The following DNAI4 variants were observed in gnomAD, a reference collection of about 807,000 sequenced individuals.
DNAI4 encodes WD repeat domain 78.
A neutral mutation model predicts 105.8 loss-of-function variants in DNAI4; 85 were observed. That is an observed-to-expected ratio of 0.80 (90% CI 0.67 to 0.96). The LOEUF (loss-of-function observed/expected upper bound fraction) is 0.96, where lower values mean the gene tolerates loss of function less well. Among genes scored for constraint, DNAI4 ranks in the 40% least tolerant of loss-of-function variants. The pLI, the probability that DNAI4 is intolerant of heterozygous loss-of-function variation, is 0.00. For synonymous variants in DNAI4, 352 were observed against 331.5 expected, an observed-to-expected ratio of 1.06 and a Z score of -0.67; for missense variants, 1,014 against 1,005.6, an observed-to-expected ratio of 1.01 and a Z score of -0.11.
chr1:66,873,955 G>C (rs1302746912), intron 5 of DNAI4, among the ~76,000 whole-genome samples: 1 of 138,088 alleles, frequency 7.2e-6, no homozygotes, highest in African/African-American at 2.7e-5. Context: ...ATGTTTTATA[G>C]TCCAAACCAT....
chr1:66,878,973 G>T (rs1322692731), intron 4 of DNAI4, among the ~76,000 whole-genome samples: 5 of 152,074 alleles, frequency 3.3e-5, no homozygotes, highest in African/African-American at 1.2e-4. Context: ...AAGGCAGTTT[G>T]ATTCTTTTGT....
chr1:66,893,121 GAAA>G, intron 3 of DNAI4, 105 bp downstream of exon 3: 1 of 527,666 alleles, frequency 1.9e-6, no homozygotes. Flanking sequence ...AAGAAAGAAA[GAAA>G]CTGGGAGACT....
rs1491310966 is a variant in DNAI4 at position 66,836,269 on chromosome 1, A to AG, written c.1582-493_1582-492insC. On this transcript the variant is annotated intron_variant, in intron 10 of 16. Transcript: ENST00000371026. ...AAGAGAGAGAGAGAAAGAAAGAAAG[A>AG]AAGAAAGAAAGAAAGAAAGAAAGAA... Among the ~76,000 whole-genome samples the AG allele has an allele frequency of 2.1e-3, 150 of 71,550 alleles. 1 individual carries two copies. Among genetic ancestry groups the AG allele is most frequent in the Admixed American group, 2.8e-3 (19 of 6,674 alleles). 46.9% of individuals were successfully genotyped at this position (71,550 alleles called of 152,430 possible).
chr1:66,847,446 C>G, intron 8 of DNAI4, 38 bp downstream of exon 8: 1 of 1,581,210 alleles, frequency 6.3e-7, no homozygotes, highest in Non-Finnish European at 8.6e-7. Flanking sequence ...GCATAAGCAA[C>G]TGCACCCAGC....
intron 10 of DNAI4, among the ~76,000 whole-genome samples, chr1:66,836,286 A>AG (rs1646016235): frequency 6.7e-6 from 1 of 149,486 alleles, no homozygotes; most frequent in Non-Finnish European, 1.5e-5. Flanking sequence ...GAAAGAAAGA[A>AG]AGAAAGAAAG....
chr1:66,893,373 A>G lies in DNAI4; in HGVS notation c.386T>C (p.Leu129Pro). 1 of 1,597,232 alleles carries G rather than the reference A, an allele frequency of 6.3e-7. No homozygotes were observed. Among genetic ancestry groups the G allele is most frequent in the Non-Finnish European group, 8.5e-7 (1 of 1,171,954 alleles). ...INGTDVTPRP[L>P]YHPDPLTGTA... The stretch of plus-strand genomic sequence containing the variant: ...ACCAGTAAGTGGATCTGGATGGTAA[A>G]GAGGTCGGGGAGTAACATCAGTTCC... The change falls in exon 3 of 17, where the codon CTT (leucine) becomes CCT (proline). Residue 129 changes from leucine to proline, a missense_variant. Transcript: ENST00000371026.
intron 4 of DNAI4, among the ~76,000 whole-genome samples, chr1:66,878,349 G>C (rs1338813656): frequency 6.6e-6 from 1 of 152,052 alleles, no homozygotes; most frequent in Non-Finnish European, 1.5e-5. Context: ...GTTTATTGTA[G>C]AGTTTTGTTC....
chr1:66,827,045 C>A lies in DNAI4; in HGVS notation c.2114G>T (p.Gly705Val). ...ATTCCATGTCACTTTATACACTGGA[C>A]CCTAGAAATAAAAAAAAAATACATA... ...QYLDTYRGHK[G>V]PVYKVTWNPF... is the part of the protein sequence containing the mutation. Residue 705 changes from glycine to valine, a missense_variant and splice_region_variant, in exon 15 of 17, where the codon GGT (glycine) becomes GTT (valine). Transcript: ENST00000371026. The A allele has an allele frequency of 6.3e-7, 1 of 1,595,354 alleles. No homozygotes were observed. The highest frequency in any genetic ancestry group is 8.5e-7 in the Non-Finnish European group (1 of 1,173,928).
chr1:66,858,080 G>C (rs576118168), intron 7 of DNAI4, among the ~76,000 whole-genome samples: 38 of 151,914 alleles, frequency 2.5e-4, no homozygotes, highest in African/African-American at 8.2e-4. Flanking sequence ...AAATACTAAA[G>C]GTAAAAATAT....
At chr1:66,825,215 C>T (rs2100356302) in intron 15 of DNAI4, among the ~76,000 whole-genome samples, 1 of 143,900 alleles carries the variant, frequency 6.9e-6, no homozygotes, top group Non-Finnish European at 1.5e-5. Flanking sequence ...CTCTGTCGCC[C>T]AGGCGGGACT....
chr1:66,829,269 CA>C (rs1350555862), intron 13 of DNAI4, among the ~76,000 whole-genome samples: 2 of 152,086 alleles, frequency 1.3e-5, no homozygotes, highest in Non-Finnish European at 2.9e-5. Context: ...AATTAAAAGG[CA>C]GTGATTTTAA....
intron 6 of DNAI4, 46 bp from the exon 7 acceptor site, chr1:66,862,348 C>A: frequency 6.4e-7 from 1 of 1,571,992 alleles, no homozygotes; most frequent in Non-Finnish European, 8.6e-7. Context: ...AACCAAATTC[C>A]AACATTTTAG....
intron 1 of DNAI4, among the ~76,000 whole-genome samples, chr1:66,923,772 G>C (rs1650788939): frequency 6.6e-6 from 1 of 152,154 alleles, no homozygotes; most frequent in African/African-American, 2.4e-5. Flanking sequence ...AGGTGGAGGA[G>C]ATTGGAGAGG....
At chr1:66,894,137 GT>G (rs1293350286) in intron 2 of DNAI4, among the ~76,000 whole-genome samples, 5 of 151,984 alleles carry the variant, frequency 3.3e-5, no homozygotes, top group Non-Finnish European at 7.4e-5. Flanking sequence ...TAAAAAAATA[GT>G]TAACTGTAAA....
At chr1:66,873,791 C>A (rs1297500502) in intron 5 of DNAI4, among the ~76,000 whole-genome samples, 1 of 151,586 alleles carries the variant, frequency 6.6e-6, no homozygotes, top group Non-Finnish European at 1.5e-5. Flanking sequence ...CATTTCTTCC[C>A]AGCATTTCTC....
At chr1:66,845,220 A>C (rs1377815139) in intron 8 of DNAI4, among the ~76,000 whole-genome samples, 1 of 30,342 alleles carries the variant, frequency 3.3e-5, no homozygotes, top group African/African-American at 8.4e-5. Flanking sequence ...GAAAAATTAA[A>C]AAAAAAAAAA....
At chr1:66,916,610 T>TTCAG (rs2100886614) in intron 1 of DNAI4, among the ~76,000 whole-genome samples, 1 of 152,270 alleles carries the variant, frequency 6.6e-6, no homozygotes, top group South Asian at 2.1e-4. Context: ...ATAAAATAAG[T>TTCAG]TCAGTTTCTC....
rs1197602641 is a variant in DNAI4, at chr1:66,887,268, T to G, written c.643+3886A>C. 2.6e-5 allele frequency among the ~76,000 whole-genome samples: 4 copies of G among 152,244 alleles called. No individual in the cohort carries two copies. In the East Asian group the frequency reaches 7.7e-4, roughly 29 times the overall value. ...GGTAAGTAACTCTTGGGAACTGTAT[T>G]TCTCTGGATTGTCTATCTCTCTAGA... On this transcript the variant is annotated intron_variant, in intron 4 of 16. Coordinates refer to ENST00000371026, the MANE Select transcript of DNAI4 (RefSeq NM_024763.5).
intron 6 of DNAI4, among the ~76,000 whole-genome samples, chr1:66,866,321 A>T (rs530173731): frequency 3.3e-5 from 5 of 152,230 alleles, no homozygotes; most frequent in African/African-American, 1.2e-4. Context: ...AAAAAAGAAA[A>T]AAAAAAGAAT....
Sources: gnomAD v4.1 joint callset for allele counts (sites outside exome capture counted in the v4.1 genomes callset) on GRCh38, gnomAD v4.1.1 for gene constraint, MANE v1.5 for transcripts, NCBI Gene and HGNC (gene_info 2026-07-23, HGNC 2026-07-21) for gene names.